The following SASH1 variants were observed in gnomAD, a reference collection of about 807,000 sequenced individuals.
SASH1 encodes SAM and SH3 domain-containing protein 1.
SASH1 carries 44 observed loss-of-function variants against 125.2 expected under a neutral mutation model. The ratio of observed to expected loss-of-function variants is 0.35; its 90% CI spans 0.28 to 0.45. The LOEUF is 0.45. Ranked by LOEUF, SASH1 falls within the 20% of genes least tolerant of loss-of-function variation. The pLI, the probability that SASH1 is intolerant of heterozygous loss-of-function variation, is 1.00. For synonymous variants in SASH1, 639 were observed against 649.1 expected (o/e 0.98, Z 0.24); for missense variants, 1,426 against 1,614.5 (o/e 0.88, Z 2.00).
the SASH1 span, among the ~76,000 whole-genome samples, chr6:148,247,192 T>C: frequency 2.6e-5 from 4 of 152,200 alleles, no homozygotes; most frequent in East Asian, 7.7e-4. Context: ...GAATAACTAA[T>C]AGTAAACTAG....
chr6:148,538,786 G>GTGTA (rs371970131), intron 16 of SASH1, among the ~76,000 whole-genome samples: 1 of 152,054 alleles, frequency 6.6e-6, no homozygotes, highest in South Asian at 2.1e-4. Context: ...TTTTTTCTTT[G>GTGTA]TGTATGTGGT....
At chr6:148,493,145 A>C (rs552133789) in intron 8 of SASH1, among the ~76,000 whole-genome samples, 11 of 152,264 alleles carry the variant, frequency 7.2e-5, no homozygotes, top group Non-Finnish European at 1.6e-4. Context: ...TACTCTGTGT[A>C]TTTTGCTAGC....
intron 1 of SASH1, among the ~76,000 whole-genome samples, chr6:148,312,287 C>T (rs6570841): frequency 0.24 from 36,570 of 151,954 alleles, 4,591 homozygotes; most frequent in African/African-American, 0.3. Context: ...TAAATTATAC[C>T]TCCATAAGCC....
the SASH1 span, among the ~76,000 whole-genome samples, chr6:148,255,313 A>G: frequency 2.0e-5 from 3 of 152,118 alleles, no homozygotes; most frequent in Non-Finnish European, 4.4e-5. Context: ...GTGTCCTCAC[A>G]TGGCCTTTTC....
At chr6:148,491,761 G>A (rs561538491) in intron 8 of SASH1, among the ~76,000 whole-genome samples, 29 of 152,286 alleles carry the variant, frequency 1.9e-4, no homozygotes, top group Non-Finnish European at 3.8e-4. Flanking sequence ...AAAGGATTAT[G>A]AATCTGAAAG....
At chr6:148,210,175 C>T in the SASH1 span, among the ~76,000 whole-genome samples, 815 of 152,296 alleles carry the variant, frequency 5.4e-3, 9 homozygotes, top group African/African-American at 0.018. Context: ...TTTCACACAA[C>T]GTGGTAAAGA....
At chr6:148,436,997 A>G (rs902270735) in intron 2 of SASH1, among the ~76,000 whole-genome samples, 1 of 152,196 alleles carries the variant, frequency 6.6e-6, no homozygotes, top group Non-Finnish European at 1.5e-5. Flanking sequence ...GAGGTTCACA[A>G]TGTTTACTAT....
At chr6:148,484,480 T>C (rs1229747981) in intron 7 of SASH1, among the ~76,000 whole-genome samples, 1 of 151,848 alleles carries the variant, frequency 6.6e-6, no homozygotes, top group African/African-American at 2.4e-5. Flanking sequence ...CCAAAACTTC[T>C]CGAACCAAAG....
intron 1 of SASH1, among the ~76,000 whole-genome samples, chr6:148,324,842 G>T (rs1235910328): frequency 6.6e-6 from 1 of 152,076 alleles, no homozygotes; most frequent in East Asian, 1.9e-4. Context: ...AGGACGGCTG[G>T]GCACCCTAAG....
Position 148,533,779 on chromosome 6 carries a change from TATCATCGATATA to T in SASH1, c.1748_1759del (p.Ile583_Ile586del). The stretch of plus-strand genomic sequence containing the variant: ...TGCTCCCTGGGCCACAGAAAGGAGA[TATCATCGATATA>T]ATCAGCAAGCCACCCATGGGGACCT... On this transcript the variant is annotated inframe_deletion, in exon 15 of 20. Transcript: ENST00000367467. This position sits in a 1 kb window ranked among gnomAD's most constrained non-coding sequence, Gnocchi z 6.2. 6.2e-7 allele frequency: 1 copy of T among 1,612,716 alleles called. No individual in the cohort carries two copies. The highest frequency in any genetic ancestry group is 8.5e-7 in the Non-Finnish European group (1 of 1,179,528).
At chr6:148,457,601 A>G (rs1302734464) in intron 4 of SASH1, among the ~76,000 whole-genome samples, 3 of 152,182 alleles carry the variant, frequency 2.0e-5, no homozygotes, top group African/African-American at 7.2e-5. Flanking sequence ...ATACGATGAG[A>G]TTTATGAATC....
chr6:148,249,453 G>A, the SASH1 span, among the ~76,000 whole-genome samples: 1 of 152,172 alleles, frequency 6.6e-6, no homozygotes, highest in African/African-American at 2.4e-5. Context: ...CAGTCTGTGT[G>A]ATCAAGCCAG....
chr6:148,250,558 A>T, the SASH1 span, among the ~76,000 whole-genome samples: 1 of 138,816 alleles, frequency 7.2e-6, no homozygotes, highest in African/African-American at 2.7e-5. Flanking sequence ...CCAGGCCTAA[A>T]AAAGCCTTAG....
upstream of SASH1, chr6:148,342,533 T>C (rs890812894): frequency 2.0e-5 from 3 of 152,174 alleles, no homozygotes. Flanking sequence ...AGAGCACCTT[T>C]TGTTGCTAAA....
At chr6:148,410,629 A>G (rs759236965) in intron 2 of SASH1, among the ~76,000 whole-genome samples, 2 of 152,178 alleles carry the variant, frequency 1.3e-5, no homozygotes, top group Non-Finnish European at 2.9e-5. Flanking sequence ...AATGAATCAC[A>G]ATTTTTAGGA....
In SASH1 at chr6:148,334,268, C is replaced by CA. The variant is rs926294248; in HGVS notation, n.75-55856dup. On this transcript the variant is annotated intron_variant and non_coding_transcript_variant, in intron 1 of 3. Transcript: ENST00000367469. Reference sequence around the variant, plus strand: ...TGAAACCCTGTCTCTACTAAAAATACAAAAAAAAAATTAGCCGGGCGTGAT... The same window carrying CA: ...TGAAACCCTGTCTCTACTAAAAATACAAAAAAAAAAATTAGCCGGGCGTGAT... Among the ~76,000 whole-genome samples the CA allele has an allele frequency of 9.7e-3, 1,349 of 138,868 alleles. 29 individuals carry two copies. Among genetic ancestry groups the CA allele is most frequent in the African/African-American group, 0.033 (1,235 of 37,938 alleles). 91.1% of individuals were successfully genotyped at this position (138,868 alleles called of 152,430 possible).
the SASH1 span, among the ~76,000 whole-genome samples, chr6:148,215,601 T>A: frequency 2.0e-5 from 3 of 152,276 alleles, no homozygotes; most frequent in East Asian, 1.9e-4. Context: ...TGTAATTTTT[T>A]AAAATCTTTA....
Position 148,411,960 on chromosome 6 carries a change from T to C in SASH1, c.285+21698T>C, listed in dbSNP as rs1349640261. The stretch of plus-strand genomic sequence containing the variant: ...ACCCAAGTCTCTATGGAGGTTTCAC[T>C]CTTGATAGATTTTTCATCAGTTTTT... On this transcript the variant is annotated intron_variant, in intron 2 of 19. Transcript: ENST00000367467. Among the ~76,000 whole-genome samples the C allele has an allele frequency of 2.0e-5, 3 of 152,246 alleles. 1 individual carries two copies. The highest frequency in any genetic ancestry group is 1.3e-4 in the Admixed American group (2 of 15,280).
chr6:148,435,664 A>G (rs570817324), intron 2 of SASH1, among the ~76,000 whole-genome samples: 11 of 152,266 alleles, frequency 7.2e-5, no homozygotes, highest in Middle Eastern at 3.4e-3. Flanking sequence ...AGAAATGGTG[A>G]TATTTCATGA....
Sources: gnomAD v4.1 joint callset for allele counts (sites outside exome capture counted in the v4.1 genomes callset) on GRCh38, gnomAD v4.1.1 for gene constraint, Gnocchi (gnomAD v3.1) non-coding constraint, MANE v1.5 for transcripts, NCBI Gene and HGNC (gene_info 2026-07-23, HGNC 2026-07-21) for gene names.